Variants in PTPRR observed in about 807,000 individuals in gnomAD.
The protein encoded by PTPRR is receptor-type tyrosine-protein phosphatase R.
PTPRR carries 38 observed loss-of-function variants against 77.2 expected under a neutral mutation model. The observed-to-expected ratio is 0.49, with a 90% CI of 0.38 to 0.65. The LOEUF (loss-of-function observed/expected upper bound fraction) is 0.65, where lower values mean the gene tolerates loss of function less well. Ranked by LOEUF, PTPRR falls within the 30% of genes least tolerant of loss-of-function variation. The pLI, the probability that PTPRR is intolerant of heterozygous loss-of-function variation, is 0.00. For missense variants in PTPRR, 744 were observed against 799.2 expected (o/e 0.93, Z 0.83); for synonymous variants, 299 against 283.1 (o/e 1.06, Z -0.57).
chr12:70,810,383 A>G lies in PTPRR; in HGVS notation c.358-45605T>C, dbSNP rs186789017. Reference sequence around the variant, plus strand: ...TTAGGTAGTAATATTAAAAACACTTATTCTTTAAGAACGTAGACATAATAT... The same window carrying G: ...TTAGGTAGTAATATTAAAAACACTTGTTCTTTAAGAACGTAGACATAATAT... On this transcript the variant is annotated intron_variant, in intron 2 of 13. Coordinates refer to ENST00000283228, the MANE Select transcript of PTPRR (RefSeq NM_002849.4). Among the ~76,000 whole-genome samples the G allele has an allele frequency of 1.1e-4, 17 of 152,194 alleles. No individual in the cohort carries two copies. In the East Asian group the frequency reaches 1.7e-3, roughly 16 times the overall value.
At chr12:70,667,188 C>T (rs556752872) in intron 10 of PTPRR, among the ~76,000 whole-genome samples, 64 of 151,990 alleles carry the variant, frequency 4.2e-4, no homozygotes, top group East Asian at 7.8e-4. Flanking sequence ...GATCTCCTGA[C>T]GTCGTGATCC....
At chr12:70,831,161 G>T (rs1892205136) in intron 2 of PTPRR, among the ~76,000 whole-genome samples, 1 of 152,140 alleles carries the variant, frequency 6.6e-6, no homozygotes, top group South Asian at 2.1e-4. Context: ...AACAAAGAGA[G>T]TTTACACTTT....
At chr12:70,696,211 A>G (rs528306356) in intron 8 of PTPRR, among the ~76,000 whole-genome samples, 6 of 151,884 alleles carry the variant, frequency 4.0e-5, no homozygotes. Flanking sequence ...TCTGGACAGA[A>G]TTAATTACTC....
chr12:70,745,693 A>C, intron 6 of PTPRR, 125 bp downstream of exon 6: 1 of 1,112,998 alleles, frequency 9.0e-7, no homozygotes, highest in Non-Finnish European at 1.3e-6. Context: ...ACTTCATCTG[A>C]CTGTCCATTT....
chr12:70,684,554 T>C, intron 9 of PTPRR, 150 bp downstream of exon 9: 1 of 669,410 alleles, frequency 1.5e-6, no homozygotes, highest in South Asian at 2.0e-5. Flanking sequence ...ATTAACAATG[T>C]TGATTATGAC....
chr12:70,737,492 A>G (rs547482736), intron 6 of PTPRR, among the ~76,000 whole-genome samples: 1 of 147,558 alleles, frequency 6.8e-6, no homozygotes, highest in African/African-American at 2.6e-5. Flanking sequence ...ATGAATATCT[A>G]TCTATCTATC....
intron 5 of PTPRR, among the ~76,000 whole-genome samples, chr12:70,751,039 C>T (rs1449302920): frequency 6.6e-6 from 1 of 151,996 alleles, no homozygotes; most frequent in Non-Finnish European, 1.5e-5. Context: ...GCACTTGGTC[C>T]CCCTGTTACT....
Position 70,684,153 on chromosome 12 carries a change from T to C in PTPRR, c.1471A>G (p.Ile491Val). 1 of 1,614,040 alleles carries C rather than the reference T, an allele frequency of 6.2e-7. No homozygotes were observed. Among genetic ancestry groups the C allele is most frequent in the Non-Finnish European group, 8.5e-7 (1 of 1,179,936 alleles). ...TCATTTTTTTCTTTGAGTTTTGTGA[T>C]CATAACAATCACAGGGCTGTCTTCC... is the stretch of plus-strand genomic sequence containing the variant. Reference protein sequence around the residue: ...WQEDSPVIVMITKLKEKNEKC... With the variant: ...WQEDSPVIVMVTKLKEKNEKC... The change falls in exon 10 of 14, where the codon ATC becomes GTC. Residue 491 changes from isoleucine (I) to valine (V), a missense_variant. By Grantham distance (29) the Ile-to-Val change is conservative (BLOSUM62 3). Around this residue, in one of 3 missense-constraint regions of PTPRR, gnomAD observed 170 missense variants for 209.8 expected, o/e 0.81. Transcript: ENST00000283228.
chr12:70,716,707 C>T (rs944338671), intron 6 of PTPRR, among the ~76,000 whole-genome samples: 4 of 152,092 alleles, frequency 2.6e-5, no homozygotes, highest in South Asian at 2.1e-4. Context: ...TTTTGCTGGG[C>T]GTGGTGGCTC....
At position 70,821,311 on chromosome 12, in the gene PTPRR, G is replaced by A. The variant is rs546226123; in HGVS notation, c.358-56533C>T. ...ACAATCTTGGCTCACTGAAACTTCC[G>A]CCTCCCGGGTACAAGTGATTCTCCT... On this transcript the variant is annotated intron_variant, in intron 2 of 13. Coordinates refer to ENST00000283228, the MANE Select transcript of PTPRR (RefSeq NM_002849.4). 7.7e-4 allele frequency among the ~76,000 whole-genome samples: 104 copies of A among 134,284 alleles called. 2 individuals carry two copies. Among genetic ancestry groups the A allele is most frequent in the African/African-American group, 2.8e-3 (99 of 35,482 alleles). The allele number at this position is 134,284 out of a possible 152,430, so 88.1% of individuals were successfully genotyped here. A position where few individuals can be genotyped will look rare whatever the true frequency, so the allele number is the denominator to read the frequency against.
intron 1 of PTPRR, among the ~76,000 whole-genome samples, chr12:70,908,734 G>A (rs1565738149): frequency 6.6e-6 from 1 of 152,158 alleles, no homozygotes; most frequent in Non-Finnish European, 1.5e-5. Context: ...TCCCTTGCCT[G>A]TGTTTTGGGA....
chr12:70,800,897 T>TA (rs201965125), intron 2 of PTPRR, among the ~76,000 whole-genome samples: 4,615 of 117,976 alleles, frequency 0.039, 140 homozygotes, highest in African/African-American at 0.1. Flanking sequence ...CTCCATCTCA[T>TA]AAAAAAAAAA....
intron 2 of PTPRR, among the ~76,000 whole-genome samples, chr12:70,860,916 CTTGT>C (rs1462014540): frequency 6.6e-6 from 1 of 152,044 alleles, no homozygotes; most frequent in African/African-American, 2.4e-5. Context: ...TATTCCCTTG[CTTGT>C]TTTATTTTTA....
At chr12:70,894,232 C>T (rs560439941) in intron 1 of PTPRR, among the ~76,000 whole-genome samples, 4 of 151,838 alleles carry the variant, frequency 2.6e-5, no homozygotes, top group East Asian at 1.9e-4. Context: ...ATCATGCAAG[C>T]GTCTGTACTT....
At chr12:70,711,721 C>T (rs1888835843) in intron 6 of PTPRR, among the ~76,000 whole-genome samples, 1 of 152,032 alleles carries the variant, frequency 6.6e-6, no homozygotes, top group African/African-American at 2.4e-5. Context: ...AAAATTTTTA[C>T]ATTTATGCCA....
intron 6 of PTPRR, 27 bp from the exon 7 acceptor site, chr12:70,701,350 A>T: frequency 6.2e-7 from 1 of 1,600,988 alleles, no homozygotes; most frequent in South Asian, 1.1e-5. Flanking sequence ...TGTTATGTTT[A>T]AACACCACAT....
At chr12:70,782,512 A>G (rs1266841903) in intron 2 of PTPRR, among the ~76,000 whole-genome samples, 1 of 152,176 alleles carries the variant, frequency 6.6e-6, no homozygotes, top group Non-Finnish European at 1.5e-5. Flanking sequence ...TGCAGCCATA[A>G]AAAAGGATGA....
At chr12:70,747,966 C>G (rs1314337942) in intron 5 of PTPRR, among the ~76,000 whole-genome samples, 3 of 152,074 alleles carry the variant, frequency 2.0e-5, no homozygotes, top group African/African-American at 7.2e-5. Flanking sequence ...TTGGCAGTGT[C>G]TGGAGGTATT....
chr12:70,661,132 A>G lies in PTPRR; in HGVS notation c.1609-35T>C, dbSNP rs906810635. ...GCAACAGCCACCAAATGCCTCATTC[A>G]CTTGTAGAACTAAAAGTCATCCAAA... On this transcript the variant is annotated intron_variant, in intron 11 of 13. Transcript: ENST00000283228. The G allele has an allele frequency of 3.2e-6, 5 of 1,579,792 alleles. No individual in the cohort carries two copies. The African/African-American group carries it at 6.7e-5, about 21-fold the overall frequency.
Sources: allele counts gnomAD v4.1 joint callset (sites outside exome capture counted in the v4.1 genomes callset), GRCh38; gene constraint gnomAD v4.1.1; regional missense constraint gnomAD v4.1.1; transcripts MANE v1.5; gene names NCBI Gene and HGNC (gene_info 2026-07-23, HGNC 2026-07-21).